The following ACSL6 variants were observed in gnomAD, a reference collection of about 807,000 sequenced individuals.
ACSL6 encodes the protein acyl-CoA synthetase long chain family member 6.
A neutral mutation model predicts 98.2 loss-of-function variants in ACSL6; 47 were observed. The observed-to-expected ratio is 0.48, with a 90% CI of 0.38 to 0.61. The LOEUF (loss-of-function observed/expected upper bound fraction) is 0.61. Among genes scored for constraint, ACSL6 ranks in the 20% least tolerant of loss-of-function variants. The pLI, the probability that ACSL6 is intolerant of heterozygous loss-of-function variation, is 0.00. For synonymous variants in ACSL6, 362 were observed against 336.9 expected, an observed-to-expected ratio of 1.07 and a Z score of -0.82; for missense variants, 761 against 913.4, an observed-to-expected ratio of 0.83 and a Z score of 2.15.
chr5:131,988,221 T>A lies in ACSL6; in HGVS notation c.658A>T (p.Ile220Phe), dbSNP rs1377954120. 1.2e-6 allele frequency: 2 copies of A among 1,614,122 alleles called. No homozygotes were observed. The highest frequency in any genetic ancestry group is 2.2e-5 in the East Asian group (1 of 44,876). Reference protein sequence around the residue: ...AIRYIINTADISTVIVDKPQK... With the variant: ...AIRYIINTADFSTVIVDKPQK... ...GGTTTGTCCACAATCACGGTGCTGA[T>A]GTCCGCTGCAGGGGGCCATCAAGGA... Residue 220 changes from isoleucine (I) to phenylalanine (F), a missense_variant, in exon 7 of 21, where the codon ATC becomes TTC. Physicochemically the swap from Ile to Phe is conservative, Grantham distance 21. Transcript: ENST00000651883.
chr5:132,000,901 C>T (rs1276193663), intron 1 of ACSL6, among the ~76,000 whole-genome samples: 1 of 152,188 alleles, frequency 6.6e-6, no homozygotes, highest in Non-Finnish European at 1.5e-5. Flanking sequence ...GCTTGCAACA[C>T]CTTCCCTGGA....
intron 1 of ACSL6, among the ~76,000 whole-genome samples, chr5:131,996,686 A>G (rs1754809864): frequency 6.6e-6 from 1 of 152,216 alleles, no homozygotes; most frequent in African/African-American, 2.4e-5. Flanking sequence ...GTGCAATGCT[A>G]GAGTTTTTAC....
intron 9 of ACSL6, among the ~76,000 whole-genome samples, chr5:131,979,328 G>A (rs1348228293): frequency 2.0e-5 from 3 of 152,192 alleles, no homozygotes; most frequent in Non-Finnish European, 4.4e-5. Context: ...TAAGAGTCCT[G>A]TGTTACAGAG....
rs780934330 is a variant in ACSL6, at chr5:132,011,594, C to A, written c.-41G>T. The A allele has an allele frequency of 5.5e-6, 8 of 1,461,074 alleles. No homozygotes were observed. The highest frequency in any genetic ancestry group is 4.1e-4 in the Middle Eastern group (2 of 4,924). The allele number at this position is 1,461,074 out of a possible 1,614,324, so 90.5% of individuals were successfully genotyped here. A position where few individuals can be genotyped will look rare whatever the true frequency, so the allele number is the denominator to read the frequency against. ...CCGGCCCGGCCCGGCCCGGCCTCCC[C>A]GACCCGCAGCCCCGCAGCCCCGCAG... On this transcript the variant is annotated 5_prime_UTR_variant, in exon 1 of 21. Coordinates refer to ENST00000651883, the MANE Select transcript of ACSL6 (RefSeq NM_001009185.3). The surrounding 1 kb of genome is among the most constrained non-coding windows in gnomAD (Gnocchi z 5.4).
At chr5:131,970,037 C>A (rs1753219528) in intron 15 of ACSL6, 91 bp downstream of exon 15, 2 of 1,117,316 alleles carry the variant, frequency 1.8e-6, no homozygotes, top group African/African-American at 3.1e-5. Flanking sequence ...AGTACCCATG[C>A]AAATTTACTT....
chr5:131,994,482 T>C, intron 1 of ACSL6: 1 of 541,362 alleles, frequency 1.8e-6, no homozygotes. Context: ...CCACTTTTCC[T>C]GAGAATCATA....
At chr5:132,006,704 T>C (rs563698669) in intron 1 of ACSL6, 1 of 152,284 alleles carries the variant, frequency 6.6e-6, no homozygotes, top group Admixed American at 6.5e-5. Context: ...CAGAGAAGAC[T>C]CTCTTCCACA....
Position 131,973,322 on chromosome 5 carries a change from G to C in ACSL6, c.1147C>G (p.Leu383Val). ...IRLLSDDMKA[L>V]CPTIFPVVPR... ...ACCACAGGGAAGATGGTGGGGCATAGAGCCTTCATGTCATCTGAGAGAAGG... is the reference window on the plus strand; with the variant it reads ...ACCACAGGGAAGATGGTGGGGCATACAGCCTTCATGTCATCTGAGAGAAGG... The change falls in exon 12 of 21, where the codon CTA (leucine) becomes GTA (valine). Residue 383 changes from leucine to valine, a missense_variant. Leu to Val is a conservative substitution (Grantham distance 32). Coordinates refer to ENST00000651883, the MANE Select transcript of ACSL6 (RefSeq NM_001009185.3). 2.5e-6 allele frequency: 4 copies of C among 1,614,204 alleles called. No homozygotes were observed. Among genetic ancestry groups the C allele is most frequent in the South Asian group, 1.1e-5 (1 of 91,080 alleles).
intron 20 of ACSL6, among the ~76,000 whole-genome samples, chr5:131,956,935 C>T (rs1223003446): frequency 6.6e-6 from 1 of 152,146 alleles, no homozygotes; most frequent in Non-Finnish European, 1.5e-5. Context: ...AAACCATACT[C>T]TTTTCACTGA....
intron 1 of ACSL6, among the ~76,000 whole-genome samples, chr5:132,008,752 A>C (rs894505431): frequency 1.3e-5 from 2 of 152,212 alleles, no homozygotes; most frequent in Non-Finnish European, 2.9e-5. Context: ...TATCTCTGAC[A>C]AATTCCCCTG....
chr5:131,985,192 A>G, intron 9 of ACSL6: 2 of 603,136 alleles, frequency 3.3e-6, no homozygotes, highest in Non-Finnish European at 6.0e-6. Flanking sequence ...CCAAGCCCTC[A>G]CACTGGACCT....
Position 131,971,431 on chromosome 5 carries a change from C to T in ACSL6, c.1434+119G>A, listed in dbSNP as rs907315703. On this transcript the variant is annotated intron_variant, in intron 14 of 20. Coordinates refer to ENST00000651883, the MANE Select transcript of ACSL6 (RefSeq NM_001009185.3). Reference sequence around the variant, plus strand: ...GTTTTTTCCTCCTCAGAGGAGGGAGCTTTTGTCTCACAAAAATCTTGTCCC... The same window carrying T: ...GTTTTTTCCTCCTCAGAGGAGGGAGTTTTTGTCTCACAAAAATCTTGTCCC... The T allele has an allele frequency of 6.8e-5, 55 of 814,532 alleles. No homozygotes were observed. The Admixed American group carries it at 2.0e-3, about 30-fold the overall frequency. The allele number at this position is 814,532 out of a possible 1,614,324, so 50.5% of individuals were successfully genotyped here.
intron 9 of ACSL6, among the ~76,000 whole-genome samples, chr5:131,979,818 C>T (rs1272722651): frequency 1.3e-5 from 2 of 152,248 alleles, no homozygotes; most frequent in African/African-American, 4.8e-5. Context: ...CCGCCAATGT[C>T]TCAGCGGTAT....
At chr5:131,983,794 A>G (rs1226901799) in intron 9 of ACSL6, 1 of 152,270 alleles carries the variant, frequency 6.6e-6, no homozygotes, top group Non-Finnish European at 1.5e-5. Flanking sequence ...CTTCCACCAC[A>G]CAGAGCTTGA....
intron 2 of ACSL6, among the ~76,000 whole-genome samples, chr5:131,991,909 G>T (rs887619461): frequency 2.0e-5 from 3 of 152,188 alleles, no homozygotes; most frequent in Non-Finnish European, 4.4e-5. Context: ...AGTTCTGATT[G>T]GCCAGTGCTT....
intron 1 of ACSL6, chr5:131,999,516 A>G (rs1047123870): frequency 1.3e-5 from 2 of 152,258 alleles, no homozygotes; most frequent in African/African-American, 4.8e-5. Flanking sequence ...AAGTTACCAC[A>G]TCTTGATCAA....
At chr5:131,980,194 G>A (rs1023030391) in intron 9 of ACSL6, among the ~76,000 whole-genome samples, 3 of 152,144 alleles carry the variant, frequency 2.0e-5, no homozygotes, top group African/African-American at 7.2e-5. Flanking sequence ...AGTTACCGGT[G>A]ACTGACATTC....
At chr5:131,966,593 C>T in intron 16 of ACSL6, 61 bp from the exon 17 acceptor site, 2 of 1,444,894 alleles carry the variant, frequency 1.4e-6, no homozygotes, top group South Asian at 1.1e-5. Context: ...AGATGGGAAG[C>T]TGTCACCAGG....
intron 20 of ACSL6, among the ~76,000 whole-genome samples, chr5:131,954,999 T>C (rs980512784): frequency 6.6e-6 from 1 of 152,108 alleles, no homozygotes; most frequent in African/African-American, 2.4e-5. Flanking sequence ...AGATGAGCCA[T>C]TTTATGGAGG....
Sources: gnomAD v4.1 joint callset for allele counts (sites outside exome capture counted in the v4.1 genomes callset) on GRCh38, gnomAD v4.1.1 for gene constraint, Gnocchi (gnomAD v3.1) non-coding constraint, MANE v1.5 for transcripts, NCBI Gene and HGNC (gene_info 2026-07-23, HGNC 2026-07-21) for gene names.